ADPGK: variants seen among roughly 807,000 people sequenced by gnomAD.
ADPGK encodes ADP dependent glucokinase, also known as ADP-dependent glucokinase.
In ADPGK, 26 loss-of-function variants were observed where a neutral mutation model predicts 42.4. That is an observed-to-expected ratio of 0.61 (90% CI 0.45 to 0.85). The LOEUF is 0.85. ADPGK is among the 40% of genes least tolerant of loss of function. The pLI is 0.00. For synonymous variants in ADPGK, 267 were observed against 252.6 expected, an observed-to-expected ratio of 1.06 and a Z score of -0.54; for missense variants, 571 against 627.0, an observed-to-expected ratio of 0.91 and a Z score of 0.95.
At chr15:72,754,289 T>C (rs1344818075) in intron 6 of ADPGK, among the ~76,000 whole-genome samples, 1 of 152,126 alleles carries the variant, frequency 6.6e-6, no homozygotes, top group Non-Finnish European at 1.5e-5. Context: ...GGAAGGGTTC[T>C]GGAACCGCCC....
At chr15:72,756,040 T>C (rs950327149) in intron 5 of ADPGK, 7 of 701,876 alleles carry the variant, frequency 1.0e-5, no homozygotes, top group African/African-American at 7.0e-5. Flanking sequence ...GGCAAGAAGA[T>C]GTTCTGCCCT....
intron 1 of ADPGK, among the ~76,000 whole-genome samples, chr15:72,781,105 A>ACAAGTACTACACCTGCTCCCC (rs1291948996): frequency 2.0e-5 from 3 of 152,140 alleles, no homozygotes; most frequent in Admixed American, 2.0e-4. Flanking sequence ...AGATTCTGAT[A>ACAAGTACTACACCTGCTCCCC]CAAGTACTAC....
At chr15:72,774,122 C>T (rs534241345) in intron 2 of ADPGK, among the ~76,000 whole-genome samples, 3 of 152,170 alleles carry the variant, frequency 2.0e-5, no homozygotes, top group Admixed American at 1.3e-4. Flanking sequence ...GGATTACAGG[C>T]GTGAGCCACT....
rs749692214 is a variant in ADPGK, at chr15:72,783,606, C to A, written c.86G>T (p.Gly29Val). The change falls in exon 1 of 7, where the codon GGC becomes GTC. Residue 29 changes from glycine to valine, a missense_variant. Transcript: ENST00000456471. ...CVFLLEPELP[G>V]SALRSLWSSL... Reference sequence around the variant, plus strand: ...GCTCCAGAGAGAGCGCAGCGCCGAGCCTGGCAGCTCTGGCTCCAGCAGGAA... The same window carrying A: ...GCTCCAGAGAGAGCGCAGCGCCGAGACTGGCAGCTCTGGCTCCAGCAGGAA... 2 of 1,516,232 alleles carry A rather than the reference C, an allele frequency of 1.3e-6. No homozygotes were observed. The highest frequency in any genetic ancestry group is 5.2e-5 in the East Asian group (2 of 38,128). 93.9% of individuals were successfully genotyped at this position (1,516,232 alleles called of 1,614,324 possible).
At chr15:72,760,577 C>T (rs1423273659) in intron 3 of ADPGK, 50 bp from the exon 4 acceptor site, 6 of 1,567,616 alleles carry the variant, frequency 3.8e-6, no homozygotes, top group African/African-American at 1.4e-5. Flanking sequence ...CCTTTCCCCA[C>T]AGAACCTCAA....
chr15:72,759,562 A>C (rs1400425692), intron 4 of ADPGK, among the ~76,000 whole-genome samples: 4 of 152,222 alleles, frequency 2.6e-5, no homozygotes, highest in Non-Finnish European at 5.9e-5. Flanking sequence ...TCTTATGTTA[A>C]AGTTAATTAC....
At position 72,771,846 on chromosome 15, in the gene ADPGK, C is replaced by G; in HGVS notation, c.460-1G>C. The G allele has an allele frequency of 1.9e-6, 3 of 1,610,036 alleles. No individual in the cohort carries two copies. The highest frequency in any genetic ancestry group is 2.5e-6 in the Non-Finnish European group (3 of 1,177,884). On this transcript the variant is annotated splice_acceptor_variant, in intron 2 of 6. Transcript: ENST00000456471. LOFTEE classifies it high-confidence loss of function. ...AAGCTGCATTTCCTCCTACATAGTGCTGTAAGAGAGTTCAAGGCTTTTAGA... is the reference window on the plus strand; with the variant it reads ...AAGCTGCATTTCCTCCTACATAGTGGTGTAAGAGAGTTCAAGGCTTTTAGA...
intron 3 of ADPGK, among the ~76,000 whole-genome samples, chr15:72,760,828 G>A (rs969083120): frequency 6.6e-6 from 1 of 152,090 alleles, no homozygotes; most frequent in African/African-American, 2.4e-5. Context: ...GCTGCGGACT[G>A]CACGTTTGTG....
Position 72,783,485 on chromosome 15 carries a change from G to T in ADPGK, c.207C>A (p.Val69=). The T allele has an allele frequency of 1.4e-6, 2 of 1,419,520 alleles. No individual in the cohort carries two copies. Among genetic ancestry groups the T allele is most frequent in the Non-Finnish European group, 1.8e-6 (2 of 1,093,118 alleles). The allele number at this position is 1,419,520 out of a possible 1,614,324, so 87.9% of individuals were successfully genotyped here. Reference sequence around the variant, plus strand: ...CCACTGCCACGCGGCGCCAGCGCCGGACTGGCCGCACGATAAGCGCGTCCC... The same window carrying T: ...CCACTGCCACGCGGCGCCAGCGCCGTACTGGCCGCACGATAAGCGCGTCCC... ...AAWDALIVRP[V]RRWRRVAVGV... is the part of the protein sequence containing the mutation. Residue 69 remains valine (V), a synonymous_variant, in exon 1 of 7, where the codon GTC becomes GTA. Coordinates refer to ENST00000456471, the MANE Select transcript of ADPGK (RefSeq NM_001365225.1).
intron 1 of ADPGK, among the ~76,000 whole-genome samples, chr15:72,780,003 C>A (rs75552570): frequency 0.076 from 11,534 of 152,272 alleles, 578 homozygotes; most frequent in Non-Finnish European, 0.11. Context: ...ATGGGAAAGA[C>A]CAGGCTTCAA....
chr15:72,755,548 G>T lies in ADPGK; in HGVS notation c.939+8C>A, dbSNP rs763603817. The T allele has an allele frequency of 6.2e-7, 1 of 1,605,952 alleles. No individual in the cohort carries two copies. The highest frequency in any genetic ancestry group is 1.1e-5 in the South Asian group (1 of 90,780). ...GATCAGGGCCAAACGATGGTCCCAT[G>T]AGGTTACCTGATGGACAATGCTGCT... On this transcript the variant is annotated splice_region_variant and intron_variant, in intron 6 of 6. Transcript: ENST00000456471.
intron 4 of ADPGK, 26 bp downstream of exon 4, chr15:72,760,381 C>A: frequency 6.4e-7 from 1 of 1,574,666 alleles, no homozygotes; most frequent in Non-Finnish European, 8.7e-7. Context: ...ACTGGTCTTG[C>A]CACCATTACT....
intron 3 of ADPGK, 34 bp from the exon 4 acceptor site, chr15:72,760,561 C>T (rs2066179894): frequency 1.3e-6 from 2 of 1,578,294 alleles, no homozygotes; most frequent in Non-Finnish European, 1.7e-6. Flanking sequence ...CATCAGGAGC[C>T]CCGTTCCTTT....
intron 3 of ADPGK, among the ~76,000 whole-genome samples, chr15:72,762,081 A>G (rs2066202395): frequency 6.6e-6 from 1 of 152,182 alleles, no homozygotes. Context: ...CATGTTGGTC[A>G]GGCTGGTCTC....
rs180900218 is a variant in ADPGK, at chr15:72,764,946, A to G, written c.523-4419T>C. On this transcript the variant is annotated intron_variant, in intron 3 of 6. Transcript: ENST00000456471. The stretch of plus-strand genomic sequence containing the variant: ...ACAAAGCCTGAATGACAGCATACCT[A>G]TTTACAGTTTAATAGGTATTTTAAG... 4.6e-5 allele frequency among the ~76,000 whole-genome samples: 7 copies of G among 151,094 alleles called. No homozygotes were observed. The East Asian group carries it at 1.4e-3, about 29-fold the overall frequency.
intron 1 of ADPGK, chr15:72,783,078 C>A: frequency 2.3e-6 from 1 of 442,778 alleles, no homozygotes; most frequent in Non-Finnish European, 3.0e-6. Context: ...TCAAGAAGTT[C>A]AGAAGAAAGA....
At chr15:72,753,721 A>G (rs1465832859) in intron 6 of ADPGK, among the ~76,000 whole-genome samples, 1 of 152,202 alleles carries the variant, frequency 6.6e-6, no homozygotes, top group East Asian at 1.9e-4. Context: ...ATTTCATCCA[A>G]TTCTTACTGT....
intron 1 of ADPGK, among the ~76,000 whole-genome samples, chr15:72,780,954 A>G (rs2066450512): frequency 6.6e-6 from 1 of 152,168 alleles, no homozygotes; most frequent in South Asian, 2.1e-4. Context: ...CAAACCCTAC[A>G]ATGGCCTCTT....
At chr15:72,772,528 G>A (rs574923961) in intron 2 of ADPGK, among the ~76,000 whole-genome samples, 6 of 152,080 alleles carry the variant, frequency 3.9e-5, no homozygotes, top group East Asian at 1.9e-4. Flanking sequence ...CTTCACAACC[G>A]CCCTCACCAG....
Sources: allele counts gnomAD v4.1 joint callset (sites outside exome capture counted in the v4.1 genomes callset), GRCh38; gene constraint gnomAD v4.1.1; transcripts MANE v1.5; gene names NCBI Gene and HGNC (gene_info 2026-07-23, HGNC 2026-07-21).